Variants in VPS4B observed in about 807,000 individuals in gnomAD.
VPS4B encodes the protein vacuolar protein sorting 4 homolog B.
Under a neutral mutation model 56.1 loss-of-function variants are expected in VPS4B, and 23 were observed. That is an observed-to-expected ratio of 0.41 (90% CI 0.30 to 0.58). VPS4B has a LOEUF of 0.58. Ranked by LOEUF, VPS4B falls within the 20% of genes least tolerant of loss-of-function variation. The pLI is 0.29. For synonymous variants in VPS4B, 177 were observed against 186.0 expected, an observed-to-expected ratio of 0.95 and a Z score of 0.39; for missense variants, 372 against 531.9, an observed-to-expected ratio of 0.70 and a Z score of 2.96.
chr18:63,398,537 T>TAA (rs879809693), intron 8 of VPS4B, among the ~76,000 whole-genome samples: 1 of 139,032 alleles, frequency 7.2e-6, no homozygotes. Context: ...TAGTTTTTAC[T>TAA]AAAAAAAAAA....
chr18:63,398,190 T>TACACACACACACACAC (rs967159935), intron 8 of VPS4B, among the ~76,000 whole-genome samples: 3 of 132,828 alleles, frequency 2.3e-5, no homozygotes, highest in African/African-American at 9.0e-5. Context: ...TATACATATA[T>TACACACACACACACAC]ACACACACAC....
intron 4 of VPS4B, among the ~76,000 whole-genome samples, chr18:63,404,101 A>C (rs1915867298): frequency 6.6e-6 from 1 of 152,200 alleles, no homozygotes; most frequent in African/African-American, 2.4e-5. Context: ...CATCTGCCCA[A>C]ACTACTTAGA....
At chr18:63,410,624 G>A (rs1200382098) in intron 2 of VPS4B, among the ~76,000 whole-genome samples, 178 bp from the exon 3 acceptor site, 2 of 152,164 alleles carry the variant, frequency 1.3e-5, no homozygotes, top group South Asian at 2.1e-4. Flanking sequence ...TCCTCCAGCA[G>A]GGTTGGAGAC....
intron 9 of VPS4B, among the ~76,000 whole-genome samples, chr18:63,395,401 T>C (rs1430535588): frequency 6.6e-6 from 1 of 152,224 alleles, no homozygotes; most frequent in East Asian, 1.9e-4. Context: ...TTATGAGTAT[T>C]ATATCACTTC....
intron 10 of VPS4B, among the ~76,000 whole-genome samples, chr18:63,391,514 C>T (rs996376321): frequency 1.3e-5 from 2 of 152,184 alleles, no homozygotes; most frequent in African/African-American, 2.4e-5. Context: ...CAGGCGTGGG[C>T]CCCTGCACCC....
chr18:63,421,851 T>C (rs28568959), intron 1 of VPS4B, among the ~76,000 whole-genome samples: 3,493 of 152,290 alleles, frequency 0.023, 146 homozygotes, highest in African/African-American at 0.08. Flanking sequence ...TGCTGTCAGC[T>C]TGAGAAACTA....
At chr18:63,399,949 G>A (rs1306414211) in intron 7 of VPS4B, 99 bp downstream of exon 7, 18 of 1,110,936 alleles carry the variant, frequency 1.6e-5, no homozygotes, top group East Asian at 2.8e-5. Flanking sequence ...AACCTGGGAG[G>A]TGGAGGTTGT....
chr18:63,412,715 C>T (rs1282382772), intron 1 of VPS4B, among the ~76,000 whole-genome samples: 3 of 152,098 alleles, frequency 2.0e-5, no homozygotes, highest in African/African-American at 7.2e-5. Context: ...TGAGACGGGG[C>T]TCCATCTCAC....
intron 1 of VPS4B, among the ~76,000 whole-genome samples, chr18:63,419,868 T>C (rs1482223190): frequency 6.6e-6 from 1 of 152,254 alleles, no homozygotes; most frequent in Admixed American, 6.5e-5. Flanking sequence ...TATTACATTA[T>C]ATAATTTTGA....
At chr18:63,394,401 G>T (rs1374217776) in intron 9 of VPS4B, among the ~76,000 whole-genome samples, 1 of 151,568 alleles carries the variant, frequency 6.6e-6, no homozygotes, top group Non-Finnish European at 1.5e-5. Flanking sequence ...TCCAGAAAAA[G>T]AATCTTTGTG....
At chr18:63,391,183 T>A (rs561724351) in intron 10 of VPS4B, 107 bp from the exon 11 acceptor site, 5 of 734,650 alleles carry the variant, frequency 6.8e-6, no homozygotes, top group African/African-American at 1.8e-5. Flanking sequence ...AGTTTAAATA[T>A]GAATATTTGC....
chr18:63,391,560 G>A (rs987515971), intron 10 of VPS4B, among the ~76,000 whole-genome samples: 13 of 152,106 alleles, frequency 8.5e-5, no homozygotes, highest in Admixed American at 1.3e-4. Flanking sequence ...CATGATCTTT[G>A]ATCATGTTAT....
intron 1 of VPS4B, 93 bp downstream of exon 1, chr18:63,422,140 G>C (rs1010602429): frequency 6.0e-5 from 80 of 1,330,434 alleles, no homozygotes; most frequent in Non-Finnish European, 7.5e-5. Flanking sequence ...CCACAGGCGC[G>C]GCCGCTTCCT....
intron 9 of VPS4B, among the ~76,000 whole-genome samples, chr18:63,394,812 A>G (rs1289259954): frequency 2.0e-5 from 3 of 152,108 alleles, no homozygotes; most frequent in African/African-American, 7.2e-5. Context: ...GACTTTAAAT[A>G]TTATCTCAGT....
chr18:63,393,686 G>T, intron 9 of VPS4B, 137 bp from the exon 10 acceptor site: 1 of 956,988 alleles, frequency 1.0e-6, no homozygotes, highest in South Asian at 3.5e-5. Flanking sequence ...AAAAAATTAA[G>T]AATATACAAC....
At chr18:63,417,096 A>G (rs1432964899) in intron 1 of VPS4B, among the ~76,000 whole-genome samples, 1 of 140,090 alleles carries the variant, frequency 7.1e-6, no homozygotes, top group African/African-American at 2.7e-5. Context: ...TTAACGAATG[A>G]AAAAAAAAAT....
rs180754118 is a variant in VPS4B, at chr18:63,392,793, C to T, written c.1233+616G>A. Among the ~76,000 whole-genome samples the T allele has an allele frequency of 1.2e-3, 185 of 151,636 alleles. 2 individuals carry two copies. In the East Asian group the frequency reaches 0.028, roughly 23 times the overall value. ...GGAGACAGAGTCTCGCTCTGTTGCC[C>T]AGGCTGGGGTGCGGTTGTGCAATCT... On this transcript the variant is annotated intron_variant, in intron 10 of 10. Coordinates refer to ENST00000238497, the MANE Select transcript of VPS4B (RefSeq NM_004869.4).
chr18:63,416,777 C>A (rs1479079982), intron 1 of VPS4B, among the ~76,000 whole-genome samples: 1 of 152,132 alleles, frequency 6.6e-6, no homozygotes, highest in Non-Finnish European at 1.5e-5. Flanking sequence ...GCAGTTGAAC[C>A]CTTCCACCTA....
chr18:63,413,573 T>C (rs1177660684), intron 1 of VPS4B, among the ~76,000 whole-genome samples: 1 of 148,964 alleles, frequency 6.7e-6, no homozygotes, highest in African/African-American at 2.5e-5. Context: ...CACAGATACA[T>C]ACAAATAAAG....
Sources: allele counts gnomAD v4.1 joint callset (sites outside exome capture counted in the v4.1 genomes callset), GRCh38; gene constraint gnomAD v4.1.1; transcripts MANE v1.5; gene names NCBI Gene and HGNC (gene_info 2026-07-23, HGNC 2026-07-21).